The following ELAVL4 variants were observed in gnomAD, a reference collection of about 807,000 sequenced individuals.
The protein encoded by ELAVL4 is ELAV-like protein 4.
In ELAVL4, 1 loss-of-function variant was observed where a neutral mutation model predicts 35.6. The observed-to-expected ratio is 0.03, with a 90% confidence interval of 0.01 to 0.13. ELAVL4 has a LOEUF of 0.13. ELAVL4 is among the 10% of genes least tolerant of loss of function. The probability of loss-of-function intolerance (pLI) is 1.00; values close to 1 mark genes in which losing one functional copy is unlikely to be tolerated. For missense variants in ELAVL4, 267 were observed against 464.9 expected (o/e 0.57, Z 3.91); for synonymous variants, 156 against 171.0 (o/e 0.91, Z 0.69).
At chr1:50,136,046 T>C (rs1392634627) in intron 1 of ELAVL4, among the ~76,000 whole-genome samples, 1 of 152,132 alleles carries the variant, frequency 6.6e-6, no homozygotes, top group East Asian at 1.9e-4. Context: ...AAAAAAATAT[T>C]AACCTGAAGG....
intron 1 of ELAVL4, among the ~76,000 whole-genome samples, chr1:50,049,110 A>G (rs78308013): frequency 0.028 from 4,295 of 152,292 alleles, 172 homozygotes; most frequent in African/African-American, 0.098. Context: ...CTGTTAGCCA[A>G]TACCACTCAA....
In ELAVL4 at chr1:50,109,016, C is replaced by CGGGGGGGGGGGGGGGGG; in HGVS notation, c.-174_-173insGGGGGGGGGGGGGGGGG. On this transcript the variant is annotated 5_prime_UTR_variant, in exon 1 of 7. Transcript: ENST00000371824. ...CTCCTTTTCTTTTTTTTCTTTCTCT[C>CGGGGGGGGGGGGGGGGG]CCCCGCCCACCCCCCCAAAAATAAT... 9.9e-6 allele frequency: 9 copies of CGGGGGGGGGGGGGGGGG among 905,552 alleles called. No homozygotes were observed. Among genetic ancestry groups the CGGGGGGGGGGGGGGGGG allele is most frequent in the South Asian group, 5.1e-5 (1 of 19,484 alleles). 56.1% of individuals were successfully genotyped at this position (905,552 alleles called of 1,614,324 possible).
chr1:50,112,307 C>G (rs1356351278), intron 1 of ELAVL4, among the ~76,000 whole-genome samples: 1 of 151,926 alleles, frequency 6.6e-6, no homozygotes, highest in African/African-American at 2.4e-5. Context: ...AATTTTCTGG[C>G]AATTTTTAGT....
At chr1:50,178,042 G>A (rs910661591) in intron 3 of ELAVL4, among the ~76,000 whole-genome samples, 5 of 152,124 alleles carry the variant, frequency 3.3e-5, no homozygotes, top group African/African-American at 1.2e-4. Context: ...GATTCCCTTG[G>A]GCAGCCGGTG....
chr1:50,101,428 T>A (rs1280898504), upstream of ELAVL4, among the ~76,000 whole-genome samples: 1 of 152,220 alleles, frequency 6.6e-6, no homozygotes, highest in East Asian at 1.9e-4. Flanking sequence ...AAATGAGATA[T>A]CTTGAGGACA....
chr1:50,200,524 G>A (rs796976112), intron 6 of ELAVL4, among the ~76,000 whole-genome samples: 2 of 152,088 alleles, frequency 1.3e-5, no homozygotes, highest in African/African-American at 4.8e-5. Context: ...GTCGGGGTGG[G>A]GTGGAGTCAG....
intron 2 of ELAVL4, among the ~76,000 whole-genome samples, chr1:50,167,898 A>T (rs1442011411): frequency 6.6e-6 from 1 of 152,124 alleles, no homozygotes; most frequent in Non-Finnish European, 1.5e-5. Flanking sequence ...CAATTTTGCA[A>T]TCATGCTTCT....
At chr1:50,084,113 T>C (rs1039800482) in intron 1 of ELAVL4, among the ~76,000 whole-genome samples, 2 of 152,182 alleles carry the variant, frequency 1.3e-5, no homozygotes, top group African/African-American at 4.8e-5. Context: ...AAGTTTGTGT[T>C]TTTCTGATTA....
intron 1 of ELAVL4, among the ~76,000 whole-genome samples, chr1:50,053,497 C>T (rs951447964): frequency 1.1e-4 from 16 of 152,212 alleles, no homozygotes; most frequent in African/African-American, 3.6e-4. Context: ...TACAGGTTCA[C>T]GCCACCAAGC....
At chr1:50,120,222 G>A (rs879309686) in intron 1 of ELAVL4, among the ~76,000 whole-genome samples, 1 of 151,920 alleles carries the variant, frequency 6.6e-6, no homozygotes, top group Admixed American at 6.6e-5. Context: ...TACAAAAGAG[G>A]GAGACATTAG....
At chr1:50,078,142 G>GTGTGTGTGTGTGTA (rs1030712388) in intron 1 of ELAVL4, among the ~76,000 whole-genome samples, 25 of 145,818 alleles carry the variant, frequency 1.7e-4, no homozygotes, top group African/African-American at 6.3e-4. Flanking sequence ...GTGTGTGTGT[G>GTGTGTGTGTGTGTA]TATATAGTAT....
At chr1:50,116,671 C>T (rs1355107759) in intron 1 of ELAVL4, among the ~76,000 whole-genome samples, 1 of 151,912 alleles carries the variant, frequency 6.6e-6, no homozygotes, top group East Asian at 1.9e-4. Context: ...CTAAGTGCTA[C>T]TTAAAAGTCT....
chr1:50,195,553 T>G lies in ELAVL4; in HGVS notation c.509-8T>G, dbSNP rs1432553370. The G allele has an allele frequency of 6.2e-6, 10 of 1,613,498 alleles. No individual in the cohort carries two copies. The highest frequency in any genetic ancestry group is 8.5e-6 in the Non-Finnish European group (10 of 1,179,540). On this transcript the variant is annotated splice_polypyrimidine_tract_variant and splice_region_variant and intron_variant, in intron 4 of 6. Transcript: ENST00000371824. Reference sequence around the variant, plus strand: ...CACTCTTTACAAAGGCTCTTTCTCTTTCCCCAGGAGTGTCCAGAGGGGTGG... The same window carrying G: ...CACTCTTTACAAAGGCTCTTTCTCTGTCCCCAGGAGTGTCCAGAGGGGTGG...
At chr1:50,194,621 A>T (rs1376730557) in intron 4 of ELAVL4, among the ~76,000 whole-genome samples, 1 of 152,146 alleles carries the variant, frequency 6.6e-6, no homozygotes, top group Non-Finnish European at 1.5e-5. Context: ...TCTGCCCTAG[A>T]CATTGTGCAG....
chr1:50,105,943 A>G (rs1393243239), upstream of ELAVL4: 2 of 208,348 alleles, frequency 9.6e-6, no homozygotes, highest in Non-Finnish European at 1.9e-5. Context: ...GCTTTGTTAA[A>G]TAATGAGGTA....
exon 1 of ELAVL4, chr1:50,048,146 G>A: frequency 1.3e-6 from 2 of 1,520,000 alleles, no homozygotes; most frequent in African/African-American, 1.4e-5. Flanking sequence ...GCCTCGGGCC[G>A]GATCGCCCGG....
chr1:50,088,913 T>C (rs1311492185), intron 1 of ELAVL4, among the ~76,000 whole-genome samples: 1 of 59,200 alleles, frequency 1.7e-5, no homozygotes, highest in Non-Finnish European at 3.2e-5. Context: ...TCCATTCAAA[T>C]GACTGTGTTG....
upstream of ELAVL4, among the ~76,000 whole-genome samples, chr1:50,105,167 G>T (rs1023766428): frequency 2.6e-5 from 4 of 152,144 alleles, no homozygotes; most frequent in Non-Finnish European, 5.9e-5. Flanking sequence ...CTACCCAGAA[G>T]AAAAGTTGCA....
At chr1:50,087,134 C>T (rs1414226870) in intron 1 of ELAVL4, among the ~76,000 whole-genome samples, 1 of 152,160 alleles carries the variant, frequency 6.6e-6, no homozygotes, top group African/African-American at 2.4e-5. Flanking sequence ...CATGTGAAAA[C>T]CCCCTTGGAG....
Sources: allele counts gnomAD v4.1 joint callset (sites outside exome capture counted in the v4.1 genomes callset), GRCh38; gene constraint gnomAD v4.1.1; transcripts MANE v1.5; gene names NCBI Gene and HGNC (gene_info 2026-07-23, HGNC 2026-07-21).